AK8: variants seen among roughly 807,000 people sequenced by gnomAD.
The protein encoded by AK8 is adenylate kinase 8.
In AK8, 44 loss-of-function variants were observed where a neutral mutation model predicts 54.6. The ratio of observed to expected loss-of-function variants is 0.81; its 90% CI spans 0.63 to 1.04. The LOEUF is 1.04. Among genes scored for constraint, AK8 ranks in the 50% least tolerant of loss-of-function variants. AK8 has a pLI of 0.00. For synonymous variants in AK8, 239 were observed against 245.6 expected, an observed-to-expected ratio of 0.97 and a Z score of 0.25; for missense variants, 555 against 613.6, an observed-to-expected ratio of 0.90 and a Z score of 1.01.
intron 2 of AK8, among the ~76,000 whole-genome samples, chr9:132,870,183 T>A (rs907456857): frequency 1.3e-5 from 2 of 152,222 alleles, no homozygotes; most frequent in Non-Finnish European, 2.9e-5. Flanking sequence ...AAATGGTACA[T>A]GTCTATGAAT....
chr9:132,821,775 G>A (rs11243917), intron 9 of AK8, among the ~76,000 whole-genome samples: 10 of 90,330 alleles, frequency 1.1e-4, no homozygotes, highest in Non-Finnish European at 1.4e-4. Context: ...ATATGTATAT[G>A]TGTATGTATA....
intron 5 of AK8, among the ~76,000 whole-genome samples, chr9:132,834,567 G>A (rs551401727): frequency 2.0e-4 from 30 of 152,170 alleles, no homozygotes; most frequent in Non-Finnish European, 3.1e-4. Context: ...GCAGGAACCC[G>A]TTACCCCTTA....
At position 132,868,954 on chromosome 9, in the gene AK8, G is replaced by A. The variant is rs148597770; in HGVS notation, c.170-2001C>T. Among the ~76,000 whole-genome samples, 219 of 152,234 alleles carry A rather than the reference G, an allele frequency of 1.4e-3. 3 individuals carry two copies. The highest frequency in any genetic ancestry group is 2.6e-3 in the Non-Finnish European group (179 of 68,018). On this transcript the variant is annotated intron_variant, in intron 2 of 12. Transcript: ENST00000298545. ...AGCACTTTGGGAGGCCGAGATGGGC[G>A]GATCACTTGAGGTCAGGAGTTCGAG... is the stretch of plus-strand genomic sequence containing the variant.
chr9:132,859,658 C>G (rs747588008), intron 4 of AK8, among the ~76,000 whole-genome samples: 2 of 151,840 alleles, frequency 1.3e-5, no homozygotes, highest in Non-Finnish European at 2.9e-5. Flanking sequence ...GTCTCCTCCC[C>G]CTCCTCGACC....
chr9:132,747,036 C>A (rs905978436), intron 11 of AK8, among the ~76,000 whole-genome samples: 2 of 152,196 alleles, frequency 1.3e-5, no homozygotes, highest in African/African-American at 4.8e-5. Context: ...ATTCTCAATG[C>A]ATATATGCGG....
intron 5 of AK8, among the ~76,000 whole-genome samples, chr9:132,844,100 T>C (rs755729095): frequency 1.3e-5 from 2 of 152,134 alleles, no homozygotes; most frequent in Non-Finnish European, 2.9e-5. Context: ...TCTTATGTCT[T>C]GGCTTTTCTT....
intron 10 of AK8, among the ~76,000 whole-genome samples, chr9:132,807,973 T>C (rs951692192): frequency 6.6e-6 from 1 of 151,776 alleles, no homozygotes; most frequent in African/African-American, 2.4e-5. Context: ...AGAACTGAGA[T>C]CTAGTAGCGC....
In AK8 at chr9:132,821,762, CATATATGT is replaced by C. The variant is rs1484950703; in HGVS notation, c.889+1435_889+1442del. Among the ~76,000 whole-genome samples the C allele has an allele frequency of 7.6e-5, 7 of 92,102 alleles. 1 individual carries two copies. The highest frequency in any genetic ancestry group is 3.5e-4 in the South Asian group (1 of 2,830). 60.4% of individuals were successfully genotyped at this position (92,102 alleles called of 152,430 possible). A position where few individuals can be genotyped will look rare whatever the true frequency, so the allele number is the denominator to read the frequency against. On this transcript the variant is annotated intron_variant, in intron 9 of 12. Coordinates refer to ENST00000298545, the MANE Select transcript of AK8 (RefSeq NM_152572.3). The stretch of plus-strand genomic sequence containing the variant: ...ATTTGTATGTATATACAAATATATA[CATATATGT>C]ATATGTGTATGTATATACAAATATA...
At chr9:132,852,436 C>T (rs1210187647) in intron 5 of AK8, among the ~76,000 whole-genome samples, 1 of 151,992 alleles carries the variant, frequency 6.6e-6, no homozygotes, top group Non-Finnish European at 1.5e-5. Flanking sequence ...AGTGAAACCT[C>T]GTCTCTACTA....
chr9:132,868,181 T>C (rs779040458), intron 2 of AK8, among the ~76,000 whole-genome samples: 3 of 152,180 alleles, frequency 2.0e-5, no homozygotes, highest in Non-Finnish European at 2.9e-5. Flanking sequence ...GGGAATCTCA[T>C]CTCAGCAGAG....
Position 132,875,121 on chromosome 9 carries a change from C to T in AK8, c.163G>A (p.Asp55Asn), listed in dbSNP as rs376201961. The change falls in exon 2 of 13, where the codon GAC becomes AAC. Residue 55 changes from aspartate (D) to asparagine (N), a missense_variant. Transcript: ENST00000298545. ...FMIQHLHRDN[D>N]NVPRIVILGP... ...AGCCCCAGCCAGTGCTCACCATTGT[C>T]GTTGTCTCTATGCAAGTGCTGGATC... 18 of 1,613,918 alleles carry T rather than the reference C, an allele frequency of 1.1e-5. No individual in the cohort carries two copies. The highest frequency in any genetic ancestry group is 4.5e-5 in the East Asian group (2 of 44,884).
intron 11 of AK8, among the ~76,000 whole-genome samples, chr9:132,786,625 C>T (rs1839717690): frequency 6.6e-6 from 1 of 152,162 alleles, no homozygotes. Flanking sequence ...CCAATTTTAT[C>T]ACCCCAATGA....
At chr9:132,744,548 A>T (rs766048961) in intron 11 of AK8, among the ~76,000 whole-genome samples, 1 of 152,186 alleles carries the variant, frequency 6.6e-6, no homozygotes, top group Non-Finnish European at 1.5e-5. Context: ...TACAGACCGA[A>T]GGGGAAAAAC....
chr9:132,869,327 G>A (rs1450415818), intron 2 of AK8, among the ~76,000 whole-genome samples: 2 of 152,224 alleles, frequency 1.3e-5, no homozygotes, highest in African/African-American at 4.8e-5. Flanking sequence ...CAAATGGGCT[G>A]GGGAGACACC....
At chr9:132,753,052 G>A (rs567070015) in intron 11 of AK8, among the ~76,000 whole-genome samples, 28 of 152,344 alleles carry the variant, frequency 1.8e-4, no homozygotes, top group Non-Finnish European at 3.2e-4. Flanking sequence ...ACAAATTGAA[G>A]TGTAAGTCCT....
chr9:132,751,240 C>T (rs965005306), intron 11 of AK8, among the ~76,000 whole-genome samples: 7 of 151,376 alleles, frequency 4.6e-5, no homozygotes, highest in Admixed American at 6.6e-5. Context: ...AAAAATTAGC[C>T]GGGCGTGGTG....
intron 10 of AK8, among the ~76,000 whole-genome samples, chr9:132,795,323 G>GC (rs61498637): frequency 0.094 from 14,278 of 152,084 alleles, 1,328 homozygotes; most frequent in African/African-American, 0.25. Context: ...CTCCCCTCCT[G>GC]CTATAGACCC....
intron 10 of AK8, among the ~76,000 whole-genome samples, chr9:132,808,613 G>A (rs1485314773): frequency 6.6e-6 from 1 of 152,206 alleles, no homozygotes; most frequent in Non-Finnish European, 1.5e-5. Context: ...ACATCATGAG[G>A]CCTGGAGTGG....
At chr9:132,834,060 T>C (rs1296083761) in intron 5 of AK8, among the ~76,000 whole-genome samples, 1 of 152,196 alleles carries the variant, frequency 6.6e-6, no homozygotes, top group Non-Finnish European at 1.5e-5. Flanking sequence ...GCATGCTCAA[T>C]CTCTGCAGTC....
Sources: gnomAD v4.1 joint callset for allele counts (sites outside exome capture counted in the v4.1 genomes callset) on GRCh38, gnomAD v4.1.1 for gene constraint, MANE v1.5 for transcripts, NCBI Gene and HGNC (gene_info 2026-07-23, HGNC 2026-07-21) for gene names.